RPP40: variants seen among roughly 807,000 people sequenced by gnomAD.
RPP40 encodes the protein ribonuclease P/MRP subunit p40.
A neutral mutation model predicts 42.5 loss-of-function variants in RPP40; 30 were observed. The ratio of observed to expected loss-of-function variants is 0.71; its 90% CI spans 0.53 to 0.96. The LOEUF (loss-of-function observed/expected upper bound fraction) is 0.96. Among genes scored for constraint, RPP40 ranks in the 40% least tolerant of loss-of-function variants. The pLI is 0.00. For missense variants in RPP40, 426 were observed against 433.5 expected (o/e 0.98, Z 0.15); for synonymous variants, 173 against 164.0 (o/e 1.05, Z -0.42).
At chr6:4,989,447 T>TAC in the RPP40 span, among the ~76,000 whole-genome samples, 2,020 of 151,166 alleles carry the variant, frequency 0.013, 19 homozygotes, top group South Asian at 0.022. Flanking sequence ...TTTGTCATTT[T>TAC]ACACACACAC....
chr6:4,998,948 A>G (rs1581321464), intron 4 of RPP40, 107 bp from the exon 5 acceptor site: 2 of 704,420 alleles, frequency 2.8e-6, no homozygotes, highest in East Asian at 3.3e-5. Flanking sequence ...AATTTTATGG[A>G]TAGTAAAATT....
chr6:4,995,712 T>G (rs143884675), intron 7 of RPP40, among the ~76,000 whole-genome samples: 109 of 152,328 alleles, frequency 7.2e-4, no homozygotes, highest in East Asian at 6.2e-3. Context: ...AAAAAGGATG[T>G]TGGGCTTAAA....
At chr6:4,998,203 GA>G (rs1436513692) in intron 5 of RPP40, among the ~76,000 whole-genome samples, 2 of 152,188 alleles carry the variant, frequency 1.3e-5, no homozygotes, top group Non-Finnish European at 2.9e-5. Context: ...CTTCTAAAAG[GA>G]GCAACATACA....
At position 4,996,417 on chromosome 6, in the gene RPP40, G is replaced by T; in HGVS notation, c.563C>A (p.Ser188Ter). ...DFLLAWHKTG[S>*]EESTMMSYFS... Reference sequence around the variant, plus strand: ...ATATGACATCATTGTCGATTCTTCTGAACCTTAAAAACACACCACACAAGG... The same window carrying T: ...ATATGACATCATTGTCGATTCTTCTTAACCTTAAAAACACACCACACAAGG... Residue 188 changes from serine (S) to a stop codon, truncating the protein, a stop_gained, in exon 6 of 8, where the codon TCA becomes TAA. Coordinates refer to ENST00000380051, the MANE Select transcript of RPP40 (RefSeq NM_006638.4). LOFTEE classifies it high-confidence loss of function. 6.2e-7 allele frequency: 1 copy of T among 1,612,502 alleles called. No individual in the cohort carries two copies. The highest frequency in any genetic ancestry group is 1.1e-5 in the South Asian group (1 of 90,968).
the RPP40 span, among the ~76,000 whole-genome samples, chr6:4,989,304 T>C: frequency 6.6e-6 from 1 of 152,212 alleles, no homozygotes. Flanking sequence ...AATACCACAC[T>C]GTCTTGATTA....
intron 3 of RPP40, 45 bp downstream of exon 3, chr6:5,000,500 TTTTTTTTTACAGTATGCA>T: frequency 9.9e-7 from 1 of 1,012,942 alleles, no homozygotes; most frequent in Non-Finnish European, 1.5e-6. Flanking sequence ...CTTTTTTTTT[TTTTTTTTTACAGTATGCA>T]TTTTTTTTTA....
intron 7 of RPP40, 27 bp from the exon 8 acceptor site, chr6:4,995,303 A>T (rs772874277): frequency 1.3e-5 from 20 of 1,540,504 alleles, no homozygotes; most frequent in Non-Finnish European, 1.6e-5. Flanking sequence ...TGTTAAACAG[A>T]GTTTTAAAAG....
intron 5 of RPP40, among the ~76,000 whole-genome samples, chr6:4,997,267 G>C (rs1016343616): frequency 6.6e-6 from 1 of 152,250 alleles, no homozygotes; most frequent in Admixed American, 6.5e-5. Context: ...AGGTGAGTGG[G>C]TAAACTGAGT....
chr6:5,001,469 T>C (rs1759555932), intron 2 of RPP40, among the ~76,000 whole-genome samples: 1 of 152,050 alleles, frequency 6.6e-6, no homozygotes, highest in South Asian at 2.1e-4. Context: ...AGGACACACA[T>C]GGGGGCTACC....
rs1433112413 is a variant in RPP40, at chr6:5,000,604, G to C, written c.296C>G (p.Thr99Arg). Reference protein sequence around the residue: ...KGSCYALTYNTHIDEDNTVAL... With the variant: ...KGSCYALTYNRHIDEDNTVAL... Reference sequence around the variant, plus strand: ...AACAGTATTATCTTCATCAATATGTGTATTGTATGTTAGTGCATAGCAAGA... The same window carrying C: ...AACAGTATTATCTTCATCAATATGTCTATTGTATGTTAGTGCATAGCAAGA... The change falls in exon 3 of 8, where the codon ACA (threonine) becomes AGA (arginine). Residue 99 changes from threonine to arginine, a missense_variant. Coordinates refer to ENST00000380051, the MANE Select transcript of RPP40 (RefSeq NM_006638.4). The C allele has an allele frequency of 6.3e-7, 1 of 1,592,648 alleles. No homozygotes were observed. The highest frequency in any genetic ancestry group is 8.6e-7 in the Non-Finnish European group (1 of 1,162,426).
Position 5,002,114 on chromosome 6 carries a change from G to A in RPP40, c.255C>T (p.Thr85=), listed in dbSNP as rs748877955. The change falls in exon 2 of 8, where the codon ACC becomes ACT. Residue 85 remains threonine (T), a synonymous_variant. Transcript: ENST00000380051. ...HELITPEFIS[T]FIKKGSCYAL... ...GGTTTTTCTTACCTTTCTTTATAAA[G>A]GTACTGATGAATTCAGGTGTAATTA... The A allele has an allele frequency of 1.9e-6, 3 of 1,612,552 alleles. No individual in the cohort carries two copies. Among genetic ancestry groups the A allele is most frequent in the South Asian group, 2.2e-5 (2 of 90,694 alleles).
chr6:5,000,987 C>T, intron 2 of RPP40: 1 of 460,256 alleles, frequency 2.2e-6, no homozygotes, highest in South Asian at 1.6e-5. Context: ...TGCAGAAGAC[C>T]AAGCTTGCAG....
downstream of RPP40, among the ~76,000 whole-genome samples, chr6:4,993,680 A>T (rs766487546): frequency 4.0e-4 from 61 of 152,292 alleles, no homozygotes; most frequent in African/African-American, 1.3e-3. Context: ...ATTTTTTAAG[A>T]CTATCCAGGT....
chr6:4,996,301 G>T lies in RPP40; in HGVS notation c.679C>A (p.Leu227Met). The T allele has an allele frequency of 6.2e-7, 1 of 1,614,136 alleles. No homozygotes were observed. ...LQCPVLQSSELEGTPEVSCRA... is the reference protein window; with the variant it reads ...LQCPVLQSSEMEGTPEVSCRA... ...CAGGACACCTCTGGCGTTCCCTCCA[G>T]CTCGCTGCTCTGCAGCACTGGGCAC... The change falls in exon 6 of 8, where the codon CTG becomes ATG. Residue 227 changes from leucine (L) to methionine (M), a missense_variant. Transcript: ENST00000380051.
At chr6:5,001,058 C>G (rs1304969502) in intron 2 of RPP40, 1 of 458,184 alleles carries the variant, frequency 2.2e-6, no homozygotes, top group Non-Finnish European at 4.4e-6. Flanking sequence ...AGTTTACTAT[C>G]ATCAAGCAAA....
At chr6:4,993,535 T>A (rs138819050), downstream of RPP40, among the ~76,000 whole-genome samples, 1 of 152,194 alleles carries the variant, frequency 6.6e-6, no homozygotes, top group East Asian at 1.9e-4. Context: ...TTGTCTATTT[T>A]ACACTTGTGA....
rs1759381834 is a variant in RPP40, at chr6:4,996,321, G to A, written c.659C>T (p.Pro220Leu). The A allele has an allele frequency of 1.2e-6, 2 of 1,614,048 alleles. No individual in the cohort carries two copies. Among genetic ancestry groups the A allele is most frequent in the Non-Finnish European group, 8.5e-7 (1 of 1,180,044 alleles). ...ALSTLRDLQC[P>L]VLQSSELEGT... The stretch of plus-strand genomic sequence containing the variant: ...CTCCAGCTCGCTGCTCTGCAGCACT[G>A]GGCACTGGAGATCTCTCAACGTGCT... The change falls in exon 6 of 8, where the codon CCA (proline) becomes CTA (leucine). Residue 220 changes from proline to leucine, a missense_variant. By Grantham distance (98) the Pro-to-Leu change is moderately conservative. Transcript: ENST00000380051.
At chr6:4,994,502 C>T (rs373773043), downstream of RPP40, among the ~76,000 whole-genome samples, 8 of 152,198 alleles carry the variant, frequency 5.3e-5, no homozygotes, top group Non-Finnish European at 8.8e-5. Context: ...TGTTCTGTAA[C>T]GATTTACAGT....
chr6:4,990,650 ATTT>A (rs34478088), downstream of RPP40, among the ~76,000 whole-genome samples: 192 of 131,524 alleles, frequency 1.5e-3, no homozygotes, highest in African/African-American at 4.8e-3. Flanking sequence ...TGCCTGGCTA[ATTT>A]TTTTTTTTTT....
Sources: allele counts gnomAD v4.1 joint callset (sites outside exome capture counted in the v4.1 genomes callset), GRCh38; gene constraint gnomAD v4.1.1; transcripts MANE v1.5; gene names NCBI Gene and HGNC (gene_info 2026-07-23, HGNC 2026-07-21).